CSNK1G2: variants seen among roughly 807,000 people sequenced by gnomAD.
CSNK1G2 encodes the protein casein kinase 1 gamma 2, also known as casein kinase I isoform gamma-2.
Under a neutral mutation model 48.0 loss-of-function variants are expected in CSNK1G2, and 11 were observed. The observed-to-expected ratio is 0.23, with a 90% CI of 0.14 to 0.38. The LOEUF (loss-of-function observed/expected upper bound fraction) is 0.38. CSNK1G2 is among the 10% of genes least tolerant of loss of function. CSNK1G2 has a pLI of 1.00. For missense variants in CSNK1G2, 446 were observed against 595.5 expected, an observed-to-expected ratio of 0.75 and a Z score of 2.61; for synonymous variants, 337 against 254.1, an observed-to-expected ratio of 1.33 and a Z score of -3.10.
chr19:1,976,686 C>T (rs2015767223), intron 2 of CSNK1G2, among the ~76,000 whole-genome samples: 1 of 152,108 alleles, frequency 6.6e-6, no homozygotes, highest in Non-Finnish European at 1.5e-5. Context: ...CCACGGCCAC[C>T]CTGCCAGTCC....
intron 1 of CSNK1G2, among the ~76,000 whole-genome samples, chr19:1,947,841 G>GAGCCCTGGGTGGACCGTGGCTGCCCC (rs1372522654): frequency 6.6e-6 from 1 of 152,206 alleles, no homozygotes; most frequent in African/African-American, 2.4e-5. Flanking sequence ...CTCGCTGCCT[G>GAGCCCTGGGTGGACCGTGGCTGCCCC]AGCCCTGGGT....
intron 1 of CSNK1G2, among the ~76,000 whole-genome samples, chr19:1,941,752 C>T (rs976080746): frequency 6.0e-5 from 9 of 150,468 alleles, no homozygotes; most frequent in African/African-American, 2.2e-4. Flanking sequence ...GACCCTCACA[C>T]TCCAGACCCT....
chr19:1,961,826 C>T (rs111528891), intron 1 of CSNK1G2, among the ~76,000 whole-genome samples: 1,860 of 152,308 alleles, frequency 0.012, 31 homozygotes, highest in African/African-American at 0.043. Flanking sequence ...TAAGGAGAGT[C>T]GGTAGCTCAA....
intron 1 of CSNK1G2, among the ~76,000 whole-genome samples, chr19:1,966,767 G>A (rs1003076107): frequency 2.6e-5 from 4 of 152,194 alleles, no homozygotes; most frequent in Admixed American, 2.0e-4. Flanking sequence ...CCGCCCCAAC[G>A]AGTCAGCCGC....
intron 1 of CSNK1G2, among the ~76,000 whole-genome samples, chr19:1,945,816 C>A (rs1428587247): frequency 2.6e-5 from 3 of 114,070 alleles, no homozygotes; most frequent in Non-Finnish European, 6.0e-5. Flanking sequence ...AGCGAGACTC[C>A]GTCTCAAAAA....
At chr19:1,943,139 G>T (rs748648086) in intron 1 of CSNK1G2, among the ~76,000 whole-genome samples, 1 of 152,188 alleles carries the variant, frequency 6.6e-6, no homozygotes, top group Non-Finnish European at 1.5e-5. Flanking sequence ...ACCGTGCAGC[G>T]GGCAAATGGG....
intron 1 of CSNK1G2, among the ~76,000 whole-genome samples, chr19:1,962,499 T>C (rs1031120427): frequency 4.8e-5 from 7 of 144,626 alleles, no homozygotes; most frequent in African/African-American, 1.5e-4. Flanking sequence ...AGATCCCATC[T>C]CTACAAAAAA....
chr19:1,980,343 G>A lies in CSNK1G2; in HGVS notation c.*140G>A, dbSNP rs781037157. On this transcript the variant is annotated 3_prime_UTR_variant, in exon 12 of 12. Transcript: ENST00000255641. Reference sequence around the variant, plus strand: ...CCAGAACGCAGACTGCAGGGGCCGCGCCTGGCTCAGGCGGCCCCACCCCCG... The same window carrying A: ...CCAGAACGCAGACTGCAGGGGCCGCACCTGGCTCAGGCGGCCCCACCCCCG... 6 of 1,068,216 alleles carry A rather than the reference G, an allele frequency of 5.6e-6. No homozygotes were observed. The highest frequency in any genetic ancestry group is 1.4e-5 in the South Asian group (1 of 73,394). The allele number at this position is 1,068,216 out of a possible 1,614,324, so 66.2% of individuals were successfully genotyped here.
intron 2 of CSNK1G2, among the ~76,000 whole-genome samples, chr19:1,973,169 T>C (rs990306553): frequency 2.4e-4 from 35 of 146,730 alleles, no homozygotes; most frequent in South Asian, 8.8e-4. Flanking sequence ...CCTCGTGATC[T>C]GCCCGCCTCG....
At chr19:1,946,690 G>A (rs907083210) in intron 1 of CSNK1G2, among the ~76,000 whole-genome samples, 1 of 150,814 alleles carries the variant, frequency 6.6e-6, no homozygotes, top group Non-Finnish European at 1.5e-5. Context: ...TTGGCTCACT[G>A]CAAGCTCCGC....
At chr19:1,945,875 C>T (rs745543634) in intron 1 of CSNK1G2, among the ~76,000 whole-genome samples, 2 of 150,838 alleles carry the variant, frequency 1.3e-5, no homozygotes, top group African/African-American at 4.9e-5. Context: ...TGCTGAACTT[C>T]TGGGGCACGC....
chr19:1,973,424 G>T (rs2015644456), intron 2 of CSNK1G2, among the ~76,000 whole-genome samples: 1 of 151,964 alleles, frequency 6.6e-6, no homozygotes, highest in Non-Finnish European at 1.5e-5. Flanking sequence ...GTTTTGCCAT[G>T]TTGGCAAACT....
chr19:1,978,580 G>C lies in CSNK1G2; in HGVS notation c.299-22G>C, dbSNP rs115802254. 2,478 of 1,579,306 alleles carry C rather than the reference G, an allele frequency of 1.6e-3. 36 individuals are homozygous for C. The African/African-American group carries it at 0.03, about 19-fold the overall frequency. On this transcript the variant is annotated intron_variant, in intron 4 of 11. Transcript: ENST00000255641. This position sits in a 1 kb window ranked among gnomAD's most constrained non-coding sequence, Gnocchi z 7.3. ...GGGAGGGGGCTGCCGCCGCACGCCCGTGCGTCTGTCCTCCGCCGCAGAGGG... is the reference window on the plus strand; with the variant it reads ...GGGAGGGGGCTGCCGCCGCACGCCCCTGCGTCTGTCCTCCGCCGCAGAGGG...
In CSNK1G2 at chr19:1,967,330, C is replaced by A. The variant is rs555256840; in HGVS notation, c.-265-2178C>A. Among the ~76,000 whole-genome samples the A allele has an allele frequency of 2.0e-5, 3 of 152,324 alleles. No homozygotes were observed. The East Asian group carries it at 5.8e-4, about 29-fold the overall frequency. ...TGGCTGTGCACCCACGGCCCCTCTT[C>A]ACCCGCGGCCCCTACGTCCTGCCGG... On this transcript the variant is annotated intron_variant, in intron 1 of 11. Coordinates refer to ENST00000255641, the MANE Select transcript of CSNK1G2 (RefSeq NM_001319.7).
intron 1 of CSNK1G2, among the ~76,000 whole-genome samples, chr19:1,961,355 T>C (rs534629818): frequency 7.2e-5 from 11 of 152,276 alleles, no homozygotes; most frequent in African/African-American, 2.4e-4. Context: ...CACAGAGGCG[T>C]TGGGTGGAGC....
chr19:1,954,301 G>A (rs928525057), intron 1 of CSNK1G2: 33 of 231,034 alleles, frequency 1.4e-4, no homozygotes, highest in Admixed American at 1.3e-3. Context: ...CCTGGTGTTC[G>A]GGGGCTCTTG....
intron 1 of CSNK1G2, among the ~76,000 whole-genome samples, chr19:1,949,139 G>A (rs956952921): frequency 2.0e-5 from 3 of 152,166 alleles, no homozygotes; most frequent in African/African-American, 4.8e-5. Flanking sequence ...CAAACCTGCC[G>A]TGGTCAAGGC....
rs1323602729 is a variant in CSNK1G2, at chr19:1,959,658, C to T, written c.-265-9850C>T. On this transcript the variant is annotated intron_variant, in intron 1 of 11. Transcript: ENST00000255641. The stretch of plus-strand genomic sequence containing the variant: ...GTGCCACCGTGGGTCCCCCAGCACC[C>T]GCCCCACCTTTAGTGCCACCGTGGG... Among the ~76,000 whole-genome samples, 168 of 110,630 alleles carry T rather than the reference C, an allele frequency of 1.5e-3. 4 individuals are homozygous for T. The highest frequency in any genetic ancestry group is 4.1e-3 in the East Asian group (14 of 3,396). The allele number at this position is 110,630 out of a possible 152,430, so 72.6% of individuals were successfully genotyped here.
At chr19:1,948,246 G>A (rs1399154055) in intron 1 of CSNK1G2, among the ~76,000 whole-genome samples, 5 of 152,198 alleles carry the variant, frequency 3.3e-5, no homozygotes, top group African/African-American at 4.8e-5. Flanking sequence ...GATCCCGGCC[G>A]GGCGTGGTGG....
Sources: allele counts gnomAD v4.1 joint callset (sites outside exome capture counted in the v4.1 genomes callset), GRCh38; gene constraint gnomAD v4.1.1; non-coding constraint Gnocchi (gnomAD v3.1); transcripts MANE v1.5; gene names NCBI Gene and HGNC (gene_info 2026-07-23, HGNC 2026-07-21).